SOX5: variants seen among roughly 807,000 people sequenced by gnomAD.
The protein encoded by SOX5 is transcription factor SOX-5.
In SOX5, 9 loss-of-function variants were observed where a neutral mutation model predicts 92.0. That is an observed-to-expected ratio of 0.10 (90% CI 0.06 to 0.17). The LOEUF is 0.17. SOX5 is among the 10% of genes least tolerant of loss of function. The pLI, the probability that SOX5 is intolerant of heterozygous loss-of-function variation, is 1.00. For synonymous variants in SOX5, 344 were observed against 336.3 expected (o/e 1.02, Z -0.25); for missense variants, 642 against 944.5 (o/e 0.68, Z 4.20).
chr12:23,583,627 AAC>A (rs1256881706), intron 9 of SOX5, among the ~76,000 whole-genome samples: 1 of 152,206 alleles, frequency 6.6e-6, no homozygotes, highest in East Asian at 1.9e-4. Flanking sequence ...TAAAATGATT[AAC>A]AGTTCTTCTA....
chr12:24,418,042 A>G (rs539139345), intron 1 of SOX5, among the ~76,000 whole-genome samples: 27 of 152,332 alleles, frequency 1.8e-4, no homozygotes, highest in Admixed American at 1.6e-3. Flanking sequence ...AAAGATTTTT[A>G]CAACCAAATC....
At chr12:24,037,719 A>G (rs1244275986) in intron 4 of SOX5, among the ~76,000 whole-genome samples, 2 of 152,214 alleles carry the variant, frequency 1.3e-5, no homozygotes, top group Non-Finnish European at 2.9e-5. Flanking sequence ...GTTACATGTC[A>G]TGAATGTGCA....
At chr12:24,004,211 A>G (rs1339986437) in intron 4 of SOX5, among the ~76,000 whole-genome samples, 1 of 147,568 alleles carries the variant, frequency 6.8e-6, no homozygotes, top group Non-Finnish European at 1.5e-5. Context: ...AAGAAAACAG[A>G]AAAAAAAAAA....
At chr12:24,082,742 T>A (rs77255517) in intron 4 of SOX5, among the ~76,000 whole-genome samples, 1 of 151,204 alleles carries the variant, frequency 6.6e-6, no homozygotes, top group Admixed American at 6.6e-5. Flanking sequence ...CTGTTTGATC[T>A]TTTTTTTTCT....
chr12:24,152,802 G>C (rs1951785373), intron 4 of SOX5, among the ~76,000 whole-genome samples: 2 of 150,688 alleles, frequency 1.3e-5, no homozygotes, highest in Admixed American at 1.3e-4. Flanking sequence ...ATTGAGCACA[G>C]AAAACAAAAT....
At chr12:24,386,666 T>C (rs1958447949) in intron 1 of SOX5, among the ~76,000 whole-genome samples, 1 of 152,176 alleles carries the variant, frequency 6.6e-6, no homozygotes. Context: ...TACAATATCC[T>C]ACCCCAGGAT....
chr12:24,351,789 T>G (rs1214953030), intron 2 of SOX5, among the ~76,000 whole-genome samples: 1 of 152,174 alleles, frequency 6.6e-6, no homozygotes, highest in Non-Finnish European at 1.5e-5. Flanking sequence ...AGTAAGAAAA[T>G]AACATGTACA....
At chr12:24,184,964 A>AGTATTTAAT (rs1955869767) in intron 4 of SOX5, among the ~76,000 whole-genome samples, 1 of 152,154 alleles carries the variant, frequency 6.6e-6, no homozygotes, top group South Asian at 2.1e-4. Context: ...CAGTTAGTCA[A>AGTATTTAAT]TCAACAAGTA....
chr12:24,226,337 T>C (rs935509995), intron 3 of SOX5, among the ~76,000 whole-genome samples: 5 of 152,322 alleles, frequency 3.3e-5, no homozygotes, highest in Non-Finnish European at 5.9e-5. Flanking sequence ...TTTATTCTTA[T>C]GTGCCCTTCT....
At position 24,542,445 on chromosome 12, in the gene SOX5, A is replaced by G. The variant is rs1411242622; in HGVS notation, c.-251+19884T>C. ...AATACACTCGATAGCACTTATCACTATACATATTTATAATACAACGTTCTT... is the reference window on the plus strand; with the variant it reads ...AATACACTCGATAGCACTTATCACTGTACATATTTATAATACAACGTTCTT... On this transcript the variant is annotated intron_variant, in intron 1 of 4. Transcript: ENST00000446891. 4.6e-5 allele frequency among the ~76,000 whole-genome samples: 7 copies of G among 152,176 alleles called. No individual in the cohort carries two copies. The East Asian group carries it at 9.6e-4, about 21-fold the overall frequency.
intron 4 of SOX5, among the ~76,000 whole-genome samples, chr12:24,170,932 A>G (rs932043780): frequency 2.0e-5 from 3 of 152,048 alleles, no homozygotes; most frequent in Non-Finnish European, 4.4e-5. Flanking sequence ...TCCCCAAACC[A>G]CCATTACTAG....
chr12:23,984,107 CT>C (rs1949847587), intron 4 of SOX5, among the ~76,000 whole-genome samples: 1 of 152,206 alleles, frequency 6.6e-6, no homozygotes, highest in African/African-American at 2.4e-5. Flanking sequence ...TACGTATTCC[CT>C]GGTTCATTTA....
At chr12:24,520,896 G>C (rs1451006048) in intron 1 of SOX5, among the ~76,000 whole-genome samples, 2 of 152,140 alleles carry the variant, frequency 1.3e-5, no homozygotes, top group Non-Finnish European at 2.9e-5. Context: ...GCTGTCTCTA[G>C]AGACAAAGAA....
At chr12:23,610,334 T>C (rs1417259293) in intron 8 of SOX5, among the ~76,000 whole-genome samples, 1 of 152,154 alleles carries the variant, frequency 6.6e-6, no homozygotes, top group South Asian at 2.1e-4. Context: ...GATTGACTAC[T>C]AGTCCACTGT....
intron 3 of SOX5, among the ~76,000 whole-genome samples, chr12:23,811,936 T>G (rs1040530279): frequency 6.6e-6 from 1 of 152,122 alleles, no homozygotes; most frequent in African/African-American, 2.4e-5. Context: ...ATGAAAAGCT[T>G]AGTCAATAAA....
intron 3 of SOX5, among the ~76,000 whole-genome samples, chr12:24,218,215 C>G (rs1272898697): frequency 6.6e-6 from 1 of 151,962 alleles, no homozygotes; most frequent in Non-Finnish European, 1.5e-5. Flanking sequence ...TCAAAAGTTA[C>G]CAATAATCTA....
At chr12:23,672,853 T>C (rs1370381822) in intron 6 of SOX5, among the ~76,000 whole-genome samples, 1 of 152,158 alleles carries the variant, frequency 6.6e-6, no homozygotes. Context: ...TTCTTAATGC[T>C]ATGCAGGTTT....
At chr12:23,869,123 G>C (rs1187991842) in intron 2 of SOX5, among the ~76,000 whole-genome samples, 1 of 152,114 alleles carries the variant, frequency 6.6e-6, no homozygotes, top group East Asian at 1.9e-4. Context: ...TACATGACAT[G>C]ATGAATATAA....
At chr12:24,335,164 G>A (rs554016) in intron 2 of SOX5, among the ~76,000 whole-genome samples, 1,771 of 152,148 alleles carry the variant, frequency 0.012, 25 homozygotes, top group South Asian at 0.027. Context: ...CATCAAGGAA[G>A]ACCAATTTCT....
Sources: gnomAD v4.1 joint callset for allele counts (sites outside exome capture counted in the v4.1 genomes callset) on GRCh38, gnomAD v4.1.1 for gene constraint, MANE v1.5 for transcripts, NCBI Gene and HGNC (gene_info 2026-07-23, HGNC 2026-07-21) for gene names.